Variants in PTPRG observed in about 807,000 individuals in gnomAD.
PTPRG encodes protein tyrosine phosphatase receptor type G, also known as receptor-type tyrosine-protein phosphatase gamma.
A neutral mutation model predicts 165.3 loss-of-function variants in PTPRG; 102 were observed. The observed-to-expected ratio is 0.62, with a 90% CI of 0.53 to 0.73. The LOEUF is 0.73. Among genes scored for constraint, PTPRG ranks in the 30% least tolerant of loss-of-function variants. The probability of loss-of-function intolerance (pLI) is 0.00; values close to 1 mark genes in which losing one functional copy is unlikely to be tolerated. For synonymous variants in PTPRG, 675 were observed against 669.5 expected (o/e 1.01, Z -0.13); for missense variants, 1,866 against 1,861.4 (o/e 1.00, Z -0.05).
At chr3:61,971,180 G>C (rs764392141) in intron 2 of PTPRG, among the ~76,000 whole-genome samples, 2 of 152,154 alleles carry the variant, frequency 1.3e-5, no homozygotes, top group Non-Finnish European at 2.9e-5. Flanking sequence ...AGCCTCCTAA[G>C]TAGCTGGATT....
chr3:61,603,504 T>G (rs1271161477), intron 1 of PTPRG, among the ~76,000 whole-genome samples: 1 of 152,226 alleles, frequency 6.6e-6, no homozygotes, highest in Non-Finnish European at 1.5e-5. Flanking sequence ...AACTGTGAGC[T>G]CTTTTCTTTA....
chr3:62,187,120 A>G (rs1238340941), intron 8 of PTPRG, among the ~76,000 whole-genome samples: 1 of 152,270 alleles, frequency 6.6e-6, no homozygotes, highest in African/African-American at 2.4e-5. Flanking sequence ...CAAGACAGAA[A>G]AGGCGCCAGC....
intron 2 of PTPRG, among the ~76,000 whole-genome samples, chr3:61,925,040 T>C (rs1279330921): frequency 6.6e-6 from 1 of 152,066 alleles, no homozygotes; most frequent in Admixed American, 6.6e-5. Context: ...TCCCCTGATT[T>C]TGGACTTCCT....
intron 13 of PTPRG, among the ~76,000 whole-genome samples, chr3:62,226,610 T>C (rs1016207645): frequency 8.5e-5 from 13 of 152,364 alleles, no homozygotes; most frequent in South Asian, 4.1e-4. Flanking sequence ...TGCAAAAGTA[T>C]AGAGCAGCTT....
chr3:62,004,928 C>T (rs2041259914), intron 4 of PTPRG, among the ~76,000 whole-genome samples: 1 of 152,176 alleles, frequency 6.6e-6, no homozygotes, highest in African/African-American at 2.4e-5. Flanking sequence ...TTACATGTAA[C>T]TGATAGGGTT....
At chr3:61,870,359 A>G (rs1359312616) in intron 2 of PTPRG, among the ~76,000 whole-genome samples, 1 of 144,498 alleles carries the variant, frequency 6.9e-6, no homozygotes, top group African/African-American at 2.6e-5. Context: ...TCTGTTGCCC[A>G]GGAGTGCAAT....
At chr3:62,034,696 A>G (rs931416764) in intron 4 of PTPRG, among the ~76,000 whole-genome samples, 4 of 152,242 alleles carry the variant, frequency 2.6e-5, no homozygotes, top group African/African-American at 9.6e-5. Flanking sequence ...CCAAGTCAGC[A>G]TCGCTCCACT....
intron 8 of PTPRG, among the ~76,000 whole-genome samples, chr3:62,178,134 G>A (rs1440293434): frequency 6.9e-6 from 1 of 144,410 alleles, no homozygotes; most frequent in Non-Finnish European, 1.5e-5. Flanking sequence ...CAAATGGATG[G>A]GAGGATGGAT....
chr3:62,226,799 TG>T (rs1414692545), intron 13 of PTPRG, among the ~76,000 whole-genome samples: 1 of 152,218 alleles, frequency 6.6e-6, no homozygotes. Context: ...CTGTAAATTC[TG>T]TGGTAAATCA....
At chr3:61,840,782 G>GTTTTTTTTTTTTTTTTTTTT (rs149041037) in intron 2 of PTPRG, among the ~76,000 whole-genome samples, 4 of 120,106 alleles carry the variant, frequency 3.3e-5, no homozygotes, top group East Asian at 2.7e-4. Context: ...TTGTTTGTTT[G>GTTTTTTTTTTTTTTTTTTTT]TTTTTTTTTT....
chr3:62,009,017 C>T (rs983251476), intron 4 of PTPRG, among the ~76,000 whole-genome samples: 10 of 152,176 alleles, frequency 6.6e-5, no homozygotes, highest in Non-Finnish European at 1.2e-4. Flanking sequence ...ATTCCTATAA[C>T]GAGCAAATGA....
chr3:62,077,279 A>C (rs1701419596), intron 4 of PTPRG, among the ~76,000 whole-genome samples: 1 of 143,796 alleles, frequency 7.0e-6, no homozygotes, highest in African/African-American at 2.7e-5. Context: ...TGTTTGTTTA[A>C]AAAAAAAAAA....
In PTPRG at chr3:61,894,640, C is replaced by T. The variant is rs549071802; in HGVS notation, c.191-94985C>T. Among the ~76,000 whole-genome samples, 63 of 152,190 alleles carry T rather than the reference C, an allele frequency of 4.1e-4. 1 individual carries two copies. Among genetic ancestry groups the T allele is most frequent in the Middle Eastern group, 6.8e-3 (2 of 294 alleles). ...GGTAATCGCCTAACTTAATGTCACC[C>T]AGATATTAGATATTAAGTGTCAAAA... On this transcript the variant is annotated intron_variant, in intron 2 of 29. Transcript: ENST00000474889.
chr3:61,667,105 T>C (rs549364531), intron 1 of PTPRG, among the ~76,000 whole-genome samples: 3 of 152,326 alleles, frequency 2.0e-5, no homozygotes, highest in Admixed American at 6.5e-5. Context: ...TGCTTTAGGA[T>C]GGGCTTGGAA....
At chr3:61,984,119 T>C (rs956303712) in intron 2 of PTPRG, among the ~76,000 whole-genome samples, 11 of 152,166 alleles carry the variant, frequency 7.2e-5, no homozygotes, top group African/African-American at 2.7e-4. Flanking sequence ...TTATTCTCCC[T>C]ACTGTGGAAA....
intron 8 of PTPRG, among the ~76,000 whole-genome samples, chr3:62,189,173 C>T (rs1171281062): frequency 6.6e-6 from 1 of 152,086 alleles, no homozygotes; most frequent in Admixed American, 6.5e-5. Context: ...TGGGAATGAC[C>T]CACTAATTTA....
intron 1 of PTPRG, among the ~76,000 whole-genome samples, chr3:61,726,139 C>T (rs2032245759): frequency 6.6e-6 from 1 of 152,188 alleles, no homozygotes; most frequent in Admixed American, 6.5e-5. Context: ...TCATCATACT[C>T]TATGACCTTG....
chr3:62,281,898 G>A (rs1702464953), intron 27 of PTPRG, among the ~76,000 whole-genome samples, 189 bp downstream of exon 27: 1 of 151,932 alleles, frequency 6.6e-6, no homozygotes, highest in African/African-American at 2.4e-5. Flanking sequence ...TAGATGAAAT[G>A]TAACAGTTCC....
intron 2 of PTPRG, among the ~76,000 whole-genome samples, chr3:61,764,272 AC>A (rs1399660288): frequency 5.3e-5 from 8 of 152,274 alleles, no homozygotes; most frequent in South Asian, 2.1e-4. Context: ...TTGGAGAAAT[AC>A]AGTGAGTGGA....
Sources: gnomAD v4.1 joint callset for allele counts (sites outside exome capture counted in the v4.1 genomes callset) on GRCh38, gnomAD v4.1.1 for gene constraint, MANE v1.5 for transcripts, NCBI Gene and HGNC (gene_info 2026-07-23, HGNC 2026-07-21) for gene names.